Variants in MALT1 observed in about 807,000 individuals in gnomAD.
The protein encoded by MALT1 is mucosa-associated lymphoid tissue lymphoma translocation protein 1.
In MALT1, 36 loss-of-function variants were observed where a neutral mutation model predicts 85.5. That is an observed-to-expected ratio of 0.42 (90% CI 0.32 to 0.56). The LOEUF (loss-of-function observed/expected upper bound fraction) is 0.56. MALT1 is among the 20% of genes least tolerant of loss of function. The pLI, the probability that MALT1 is intolerant of heterozygous loss-of-function variation, is 0.10. For missense variants in MALT1, 716 were observed against 981.6 expected (o/e 0.73, Z 3.62); for synonymous variants, 359 against 361.3 (o/e 0.99, Z 0.07).
chr18:58,700,394 G>T, intron 3 of MALT1, 47 bp from the exon 4 acceptor site: 1 of 1,419,856 alleles, frequency 7.0e-7, no homozygotes. Context: ...ATTTTATAAG[G>T]TGTGTTTTTG....
At chr18:58,693,633 T>G (rs1228964362) in intron 2 of MALT1, among the ~76,000 whole-genome samples, 1 of 152,188 alleles carries the variant, frequency 6.6e-6, no homozygotes, top group Non-Finnish European at 1.5e-5. Context: ...TTTACCATTC[T>G]GAAAATCCTA....
At chr18:58,708,857 T>C (rs2054793760) in intron 4 of MALT1, among the ~76,000 whole-genome samples, 1 of 152,176 alleles carries the variant, frequency 6.6e-6, no homozygotes, top group Non-Finnish European at 1.5e-5. Flanking sequence ...TTAAAGAGTA[T>C]TAAATGAGTG....
rs2054586424 is a variant in MALT1, at chr18:58,696,305, TATA to T, written c.377-59_377-57del. On this transcript the variant is annotated intron_variant, in intron 2 of 16. Transcript: ENST00000649217. ...ATGTTTCAATTTTTGGTTTCAGATG[TATA>T]AACAAGGAAAATCCCTCTTGTGACT... 12 of 1,287,916 alleles carry T rather than the reference TATA, an allele frequency of 9.3e-6. No individual in the cohort carries two copies. In the South Asian group the frequency reaches 2.8e-4, roughly 30 times the overall value. The allele number at this position is 1,287,916 out of a possible 1,614,324, so 79.8% of individuals were successfully genotyped here. A position where few individuals can be genotyped will look rare whatever the true frequency, so the allele number is the denominator to read the frequency against.
At chr18:58,696,139 T>C (rs1445929136) in intron 2 of MALT1, among the ~76,000 whole-genome samples, 1 of 152,168 alleles carries the variant, frequency 6.6e-6, no homozygotes, top group Non-Finnish European at 1.5e-5. Flanking sequence ...CATGGGGAAG[T>C]ACAATAGATC....
rs1249269109 is a variant in MALT1, at chr18:58,747,394, T to C, written c.2038-11T>C. Reference sequence around the variant, plus strand: ...GATGCCAATAATAAACCAGATTTTTTTCCTTTTCAGGAACATCTAGTCTTC... The same window carrying C: ...GATGCCAATAATAAACCAGATTTTTCTCCTTTTCAGGAACATCTAGTCTTC... On this transcript the variant is annotated splice_polypyrimidine_tract_variant and intron_variant, in intron 16 of 16. Coordinates refer to ENST00000649217, the MANE Select transcript of MALT1 (RefSeq NM_006785.4). 2 of 1,579,574 alleles carry C rather than the reference T, an allele frequency of 1.3e-6. No homozygotes were observed. The highest frequency in any genetic ancestry group is 1.7e-6 in the Non-Finnish European group (2 of 1,156,344).
rs961066838 is a variant in MALT1 at position 58,749,691 on chromosome 18, A to G, written c.*1849A>G. On this transcript the variant is annotated 3_prime_UTR_variant, in exon 17 of 17. Coordinates refer to ENST00000649217, the MANE Select transcript of MALT1 (RefSeq NM_006785.4). ...TTGAATAATGAGGATCAACTGTACCATATTTAATAAAGCACAAAACCCACA... is the reference window on the plus strand; with the variant it reads ...TTGAATAATGAGGATCAACTGTACCGTATTTAATAAAGCACAAAACCCACA... 28 of 220,974 alleles carry G rather than the reference A, an allele frequency of 1.3e-4. No individual in the cohort carries two copies. Among genetic ancestry groups the G allele is most frequent in the African/African-American group, 4.9e-4 (22 of 44,702 alleles). 13.7% of individuals were successfully genotyped at this position (220,974 alleles called of 1,614,324 possible).
At chr18:58,677,825 T>A (rs2054263589) in intron 1 of MALT1, among the ~76,000 whole-genome samples, 1 of 152,166 alleles carries the variant, frequency 6.6e-6, no homozygotes, top group Non-Finnish European at 1.5e-5. Flanking sequence ...ATAATAAAAT[T>A]GAACTAGGAT....
chr18:58,689,624 A>G (rs9944971), intron 2 of MALT1, among the ~76,000 whole-genome samples: 44,746 of 152,066 alleles, frequency 0.29, 6,705 homozygotes, highest in East Asian at 0.4. Context: ...GGACAGTAAG[A>G]AACAGGGATT....
chr18:58,706,677 G>A (rs181431144), intron 4 of MALT1, among the ~76,000 whole-genome samples: 20 of 152,186 alleles, frequency 1.3e-4, no homozygotes, highest in African/African-American at 4.6e-4. Context: ...AATTATCTCA[G>A]CATTTGAATT....
chr18:58,687,482 G>A (rs1159247218), intron 2 of MALT1, among the ~76,000 whole-genome samples: 2 of 152,322 alleles, frequency 1.3e-5, no homozygotes, highest in East Asian at 3.9e-4. Flanking sequence ...GTTATATACT[G>A]GGGGAAATTG....
chr18:58,711,388 C>T (rs1206227508), intron 7 of MALT1, among the ~76,000 whole-genome samples: 2 of 152,044 alleles, frequency 1.3e-5, no homozygotes, highest in African/African-American at 4.8e-5. Context: ...ATAAAAGTTT[C>T]AGGAGAGGAG....
At chr18:58,716,830 A>G (rs973029809) in intron 9 of MALT1, among the ~76,000 whole-genome samples, 2 of 152,226 alleles carry the variant, frequency 1.3e-5, no homozygotes, top group East Asian at 1.9e-4. Context: ...GAGACTGTGT[A>G]GATTAGAGTG....
At chr18:58,686,200 T>G (rs1042266534) in intron 2 of MALT1, among the ~76,000 whole-genome samples, 3 of 152,190 alleles carry the variant, frequency 2.0e-5, no homozygotes, top group African/African-American at 7.2e-5. Context: ...CTAATTTTTA[T>G]ATTTTTAGTA....
chr18:58,674,505 G>T (rs2054212081), intron 1 of MALT1, among the ~76,000 whole-genome samples: 1 of 152,158 alleles, frequency 6.6e-6, no homozygotes, highest in Non-Finnish European at 1.5e-5. Context: ...AGAAGGGTTG[G>T]AGAATTTGGG....
Position 58,700,458 on chromosome 18 carries a change from A to G in MALT1, c.516A>G (p.Thr172=), listed in dbSNP as rs1389608277. The change falls in exon 4 of 17, where the codon ACA becomes ACG. Residue 172 remains threonine (T), a synonymous_variant. Coordinates refer to ENST00000649217, the MANE Select transcript of MALT1 (RefSeq NM_006785.4). ...KMNKEIPNGN[T]SELIFNAVHV... Reference sequence around the variant, plus strand: ...TTTCACAGATTCCAAATGGAAATACATCAGAGCTTATTTTTAATGCAGTGC... The same window carrying G: ...TTTCACAGATTCCAAATGGAAATACGTCAGAGCTTATTTTTAATGCAGTGC... 3.7e-6 allele frequency: 6 copies of G among 1,603,130 alleles called. No individual in the cohort carries two copies. Among genetic ancestry groups the G allele is most frequent in the Non-Finnish European group, 5.1e-6 (6 of 1,177,068 alleles).
At chr18:58,739,808 TACACACACACAC>T (rs36038136) in intron 13 of MALT1, among the ~76,000 whole-genome samples, 1 of 150,878 alleles carries the variant, frequency 6.6e-6, no homozygotes, top group Non-Finnish European at 1.5e-5. Context: ...TGTACACACA[TACACACACACAC>T]ACACACACAC....
rs1452255044 is a variant in MALT1 at position 58,671,526 on chromosome 18, A to G, written c.-118A>G. ...CCTCTGAGGGCCGTGCCGCGCTGCC[A>G]GATTTGTTCTTCCGCCCCTGCCTCC... On this transcript the variant is annotated 5_prime_UTR_variant, in exon 1 of 17. Transcript: ENST00000649217. 1.0e-5 allele frequency: 6 copies of G among 574,608 alleles called. No homozygotes were observed. In the African/African-American group the frequency reaches 1.2e-4, roughly 11 times the overall value. 35.6% of individuals were successfully genotyped at this position (574,608 alleles called of 1,614,324 possible). A position where few individuals can be genotyped will look rare whatever the true frequency, so the allele number is the denominator to read the frequency against.
At chr18:58,692,450 C>A in intron 2 of MALT1, among the ~76,000 whole-genome samples, 1 of 44,922 alleles carries the variant, frequency 2.2e-5, no homozygotes, top group Non-Finnish European at 4.6e-5. Context: ...CTCTCCCTCC[C>A]TCCCTCCCTC....
intron 2 of MALT1, among the ~76,000 whole-genome samples, chr18:58,684,283 C>T (rs777803367): frequency 4.6e-5 from 7 of 151,824 alleles, no homozygotes; most frequent in African/African-American, 1.2e-4. Flanking sequence ...TCATGTTAGC[C>T]GTATAATATC....
Sources: allele counts gnomAD v4.1 joint callset (sites outside exome capture counted in the v4.1 genomes callset), GRCh38; gene constraint gnomAD v4.1.1; transcripts MANE v1.5; gene names NCBI Gene and HGNC (gene_info 2026-07-23, HGNC 2026-07-21).